Variants in SART3 observed in about 807,000 individuals in gnomAD.
SART3 encodes the protein spliceosome associated factor 3, U4/U6 recycling protein.
A neutral mutation model predicts 122.3 loss-of-function variants in SART3; 44 were observed. The ratio of observed to expected loss-of-function variants is 0.36; its 90% confidence interval spans 0.28 to 0.46. SART3 has a LOEUF of 0.46. Among genes scored for constraint, SART3 ranks in the 20% least tolerant of loss-of-function variants. The pLI is 1.00. For synonymous variants in SART3, 442 were observed against 454.0 expected, an observed-to-expected ratio of 0.97 and a Z score of 0.34; for missense variants, 1,101 against 1,229.0, an observed-to-expected ratio of 0.90 and a Z score of 1.56.
chr12:108,559,369 TA>T (rs35261566), intron 1 of SART3, among the ~76,000 whole-genome samples: 31 of 152,108 alleles, frequency 2.0e-4, no homozygotes. Context: ...TCTTCATCTG[TA>T]AAAAGAGAAT....
chr12:108,533,275 A>C (rs1321783148), intron 12 of SART3, among the ~76,000 whole-genome samples: 1 of 151,482 alleles, frequency 6.6e-6, no homozygotes, highest in Non-Finnish European at 1.5e-5. Context: ...GTGCACAAGT[A>C]ATGGTGGCCC....
chr12:108,528,016 C>T (rs1872471532), intron 15 of SART3, among the ~76,000 whole-genome samples: 1 of 152,086 alleles, frequency 6.6e-6, no homozygotes, highest in African/African-American at 2.4e-5. Context: ...CCGCCCACCT[C>T]AGCCTCCCAG....
chr12:108,544,374 A>G (rs1228008495), intron 5 of SART3, 53 bp downstream of exon 5: 1 of 1,502,134 alleles, frequency 6.7e-7, no homozygotes, highest in East Asian at 2.3e-5. Context: ...TTGTTCCCCA[A>G]AGCATTTTAA....
At chr12:108,545,054 C>A in intron 4 of SART3, 85 bp downstream of exon 4, 1 of 1,319,820 alleles carries the variant, frequency 7.6e-7, no homozygotes, top group Non-Finnish European at 1.1e-6. Context: ...CAAGATTCAT[C>A]ATGGACATGT....
intron 11 of SART3, 68 bp downstream of exon 11, chr12:108,536,446 A>G: frequency 5.4e-6 from 8 of 1,494,824 alleles, no homozygotes; most frequent in Non-Finnish European, 7.5e-6. Context: ...CTCAATTTTA[A>G]TTAAAGTTTA....
intron 5 of SART3, among the ~76,000 whole-genome samples, chr12:108,544,102 C>T (rs1384874956): frequency 1.3e-5 from 2 of 152,112 alleles, no homozygotes; most frequent in East Asian, 1.9e-4. Context: ...GAAGTTTCCC[C>T]AAAAAATACA....
chr12:108,552,877 A>G (rs963575277), intron 1 of SART3, among the ~76,000 whole-genome samples: 1 of 152,194 alleles, frequency 6.6e-6, no homozygotes, highest in Admixed American at 6.5e-5. Context: ...GCCCTAGAAT[A>G]GCTAAAAATG....
chr12:108,543,285 T>C lies in SART3; in HGVS notation c.782-133A>G, dbSNP rs1873250409. On this transcript the variant is annotated intron_variant, in intron 5 of 18. Coordinates refer to ENST00000546815, the MANE Select transcript of SART3 (RefSeq NM_014706.4). ...GGCATGGCAGCTCTTACTGATCAAA[T>C]TCTGATTTCTGCTGAGCCCAAACCT... is the stretch of plus-strand genomic sequence containing the variant. 3 of 1,055,732 alleles carry C rather than the reference T, an allele frequency of 2.8e-6. No homozygotes were observed. The African/African-American group carries it at 4.8e-5, about 17-fold the overall frequency. The allele number at this position is 1,055,732 out of a possible 1,614,324, so 65.4% of individuals were successfully genotyped here.
intron 16 of SART3, 88 bp from the exon 17 acceptor site, chr12:108,525,697 G>A: frequency 1.5e-6 from 2 of 1,368,972 alleles, no homozygotes; most frequent in Non-Finnish European, 2.1e-6. Flanking sequence ...TTGTCCCCAT[G>A]AGCAGCCCAG....
intron 18 of SART3, 79 bp from the exon 19 acceptor site, chr12:108,523,713 C>T (rs1872237283): frequency 8.0e-7 from 1 of 1,248,898 alleles, no homozygotes; most frequent in South Asian, 1.2e-5. Flanking sequence ...TAAGCCAAGA[C>T]AGTTTTAATA....
Position 108,531,323 on chromosome 12 carries a change from G to C in SART3, c.1670-43C>G, listed in dbSNP as rs751795601. The C allele has an allele frequency of 4.0e-6, 6 of 1,498,066 alleles. No individual in the cohort carries two copies. The South Asian group carries it at 5.6e-5, about 14-fold the overall frequency. 92.8% of individuals were successfully genotyped at this position (1,498,066 alleles called of 1,614,324 possible). On this transcript the variant is annotated intron_variant, in intron 13 of 18. Coordinates refer to ENST00000546815, the MANE Select transcript of SART3 (RefSeq NM_014706.4). ...CAAAACTTTCACTCTTTAGGATTTT[G>C]AAGGATACAATCACATAAATTTTTC...
At chr12:108,537,934 G>T in intron 8 of SART3, 131 bp downstream of exon 8, 1 of 1,095,850 alleles carries the variant, frequency 9.1e-7, no homozygotes, top group Non-Finnish European at 1.4e-6. Flanking sequence ...CTCACTCAGA[G>T]CCCTTTTTGT....
chr12:108,559,713 T>C (rs1159802962), intron 1 of SART3, among the ~76,000 whole-genome samples: 14 of 151,260 alleles, frequency 9.3e-5, no homozygotes, highest in Non-Finnish European at 1.5e-4. Flanking sequence ...ATCTCTTCTG[T>C]TTGCCCCCTC....
chr12:108,539,187 A>G (rs1246527212), intron 6 of SART3, 98 bp from the exon 7 acceptor site: 16 of 1,224,926 alleles, frequency 1.3e-5, no homozygotes, highest in Non-Finnish European at 1.9e-5. Flanking sequence ...TACAGTAACT[A>G]TGAATCGCCA....
intron 4 of SART3, 51 bp from the exon 5 acceptor site, chr12:108,544,529 C>T (rs373975041): frequency 1.4e-5 from 23 of 1,613,946 alleles, no homozygotes; most frequent in African/African-American, 2.7e-5. Context: ...AAGCCAGCTA[C>T]GGGCTAAAGA....
chr12:108,532,162 A>G, intron 13 of SART3, 60 bp downstream of exon 13: 3 of 1,432,634 alleles, frequency 2.1e-6, no homozygotes, highest in Non-Finnish European at 2.9e-6. Context: ...AGATGCTCCT[A>G]CTTGAGACCA....
At chr12:108,534,398 GT>G (rs1428305585) in intron 12 of SART3, among the ~76,000 whole-genome samples, 5 of 151,740 alleles carry the variant, frequency 3.3e-5, no homozygotes, top group African/African-American at 4.8e-5. Flanking sequence ...AAACTGTCAC[GT>G]TTAGCCGGAT....
rs570458103 is a variant in SART3 at position 108,526,587 on chromosome 12, A to G, written c.1916-34T>C. On this transcript the variant is annotated intron_variant, in intron 15 of 18. Coordinates refer to ENST00000546815, the MANE Select transcript of SART3 (RefSeq NM_014706.4). ...TTTCAAAAGAAAAGTAGCCATGGTTAACTGTTACTTCTCTTCAGGGAGCTT... is the reference window on the plus strand; with the variant it reads ...TTTCAAAAGAAAAGTAGCCATGGTTGACTGTTACTTCTCTTCAGGGAGCTT... 2.6e-5 allele frequency: 41 copies of G among 1,605,094 alleles called. No homozygotes were observed. In the South Asian group the frequency reaches 4.5e-4, roughly 18 times the overall value.
At chr12:108,541,321 C>T (rs528321592) in intron 6 of SART3, among the ~76,000 whole-genome samples, 12 of 151,978 alleles carry the variant, frequency 7.9e-5, no homozygotes, top group Admixed American at 2.0e-4. Flanking sequence ...GCAGGAGAAT[C>T]GCTTGAACCT....
Sources: allele counts gnomAD v4.1 joint callset (sites outside exome capture counted in the v4.1 genomes callset), GRCh38; gene constraint gnomAD v4.1.1; transcripts MANE v1.5; gene names NCBI Gene and HGNC (gene_info 2026-07-23, HGNC 2026-07-21).